Variants in TBL1XR1 observed in about 807,000 individuals in gnomAD.
The protein encoded by TBL1XR1 is F-box-like/WD repeat-containing protein TBL1XR1.
A neutral mutation model predicts 66.9 loss-of-function variants in TBL1XR1; 5 were observed. The ratio of observed to expected loss-of-function variants is 0.07; its 90% CI spans 0.04 to 0.16. TBL1XR1 has a LOEUF of 0.16. Ranked by LOEUF, TBL1XR1 falls within the 10% of genes least tolerant of loss-of-function variation. The pLI is 1.00. For missense variants in TBL1XR1, 238 were observed against 623.2 expected (o/e 0.38, Z 6.58); for synonymous variants, 210 against 206.0 (o/e 1.02, Z -0.17).
chr3:177,040,432 C>T (rs148322677), intron 10 of TBL1XR1, among the ~76,000 whole-genome samples: 16 of 152,320 alleles, frequency 1.1e-4, no homozygotes, highest in African/African-American at 3.6e-4. Context: ...CAAACTCCCT[C>T]ATTGTGTATA....
At chr3:177,054,032 C>CA in intron 3 of TBL1XR1, 114 bp from the exon 4 acceptor site, 1 of 1,172,340 alleles carries the variant, frequency 8.5e-7, no homozygotes, top group East Asian at 2.4e-5. Context: ...CATTTAAAAT[C>CA]CCAGACGAAG....
At chr3:177,092,014 C>T (rs565701857) in intron 2 of TBL1XR1, among the ~76,000 whole-genome samples, 7 of 152,302 alleles carry the variant, frequency 4.6e-5, no homozygotes, top group African/African-American at 1.7e-4. Flanking sequence ...TGGGTGCTTC[C>T]TTATGCAAGC....
intron 1 of TBL1XR1, among the ~76,000 whole-genome samples, chr3:177,146,148 T>C (rs926068071): frequency 2.0e-5 from 3 of 152,192 alleles, no homozygotes; most frequent in East Asian, 1.9e-4. Context: ...GTACCTGATA[T>C]GCAGCTATCA....
At chr3:177,144,785 C>T (rs1405354618) in intron 1 of TBL1XR1, among the ~76,000 whole-genome samples, 1 of 152,060 alleles carries the variant, frequency 6.6e-6, no homozygotes, top group Non-Finnish European at 1.5e-5. Flanking sequence ...AGAAAGCAGC[C>T]ATAACCTACA....
chr3:177,104,814 TTTATG>T (rs1724669359), intron 1 of TBL1XR1, among the ~76,000 whole-genome samples: 1 of 152,052 alleles, frequency 6.6e-6, no homozygotes, highest in African/African-American at 2.4e-5. Flanking sequence ...GTCATTGAAT[TTTATG>T]TTAAGATTAT....
In TBL1XR1 at chr3:177,020,474, T is replaced by C. The variant is rs1560083762; in HGVS notation, c.*5024A>G. The C allele has an allele frequency of 6.6e-6, 1 of 152,116 alleles. No individual in the cohort carries two copies. The highest frequency in any genetic ancestry group is 1.5e-5 in the Non-Finnish European group (1 of 68,010). 9.4% of individuals were successfully genotyped at this position (152,116 alleles called of 1,614,324 possible). Reference sequence around the variant, plus strand: ...TTTTATTATGGGCTTAAAGTATATATCTTGGGAAACAATACGTTTATGAAA... The same window carrying C: ...TTTTATTATGGGCTTAAAGTATATACCTTGGGAAACAATACGTTTATGAAA... On this transcript the variant is annotated 3_prime_UTR_variant, in exon 16 of 16. Transcript: ENST00000457928.
intron 4 of TBL1XR1, among the ~76,000 whole-genome samples, chr3:177,052,363 A>G (rs1308215060): frequency 6.6e-6 from 1 of 152,228 alleles, no homozygotes; most frequent in Non-Finnish European, 1.5e-5. Flanking sequence ...AGCTGGGAAC[A>G]TGCATATGTG....
chr3:177,199,493 T>A (rs1475663688), upstream of TBL1XR1, among the ~76,000 whole-genome samples: 1 of 152,136 alleles, frequency 6.6e-6, no homozygotes, highest in Non-Finnish European at 1.5e-5. Flanking sequence ...TGGCTTAGAT[T>A]ATTTTTTAAG....
At chr3:177,100,918 C>A (rs370332463) in intron 1 of TBL1XR1, among the ~76,000 whole-genome samples, 8 of 150,844 alleles carry the variant, frequency 5.3e-5, no homozygotes, top group Non-Finnish European at 8.8e-5. Flanking sequence ...TGCAATGGCG[C>A]GACCTCAGCT....
chr3:177,185,801 C>T (rs931359851), intron 1 of TBL1XR1, among the ~76,000 whole-genome samples: 1 of 152,048 alleles, frequency 6.6e-6, no homozygotes, highest in African/African-American at 2.4e-5. Flanking sequence ...TCCAGGAATT[C>T]GAGACCAGCC....
chr3:177,061,047 G>A (rs888228683), intron 3 of TBL1XR1, among the ~76,000 whole-genome samples: 8 of 152,192 alleles, frequency 5.3e-5, no homozygotes, highest in African/African-American at 1.9e-4. Context: ...AATTTGCGTA[G>A]GGTGAACTTT....
chr3:177,190,159 A>G (rs1441555327), intron 1 of TBL1XR1, among the ~76,000 whole-genome samples: 2 of 146,284 alleles, frequency 1.4e-5, no homozygotes, highest in African/African-American at 5.0e-5. Context: ...AAAAAAAAAA[A>G]AAAGAGTCCA....
At chr3:177,162,922 T>C (rs540453758) in intron 1 of TBL1XR1, among the ~76,000 whole-genome samples, 144 of 152,324 alleles carry the variant, frequency 9.5e-4, no homozygotes, top group African/African-American at 3.3e-3. Context: ...GGCAAGAACA[T>C]GGGCAGAGAC....
intron 2 of TBL1XR1, among the ~76,000 whole-genome samples, chr3:177,097,619 C>CT (rs879807812): frequency 6.6e-6 from 1 of 152,108 alleles, no homozygotes; most frequent in South Asian, 2.1e-4. Context: ...TCTTAAAAAT[C>CT]TTTTTAAGTA....
At chr3:177,085,779 T>C (rs1041260339) in intron 2 of TBL1XR1, among the ~76,000 whole-genome samples, 1 of 152,112 alleles carries the variant, frequency 6.6e-6, no homozygotes, top group East Asian at 1.9e-4. Context: ...TCAAAAGTAA[T>C]GAAAAAATCT....
chr3:177,184,668 G>C (rs1383698566), intron 1 of TBL1XR1, among the ~76,000 whole-genome samples: 1 of 152,082 alleles, frequency 6.6e-6, no homozygotes, highest in Non-Finnish European at 1.5e-5. Context: ...AGGTATGGTG[G>C]CACATGCCTG....
chr3:177,187,941 TCC>T (rs1401627794), intron 1 of TBL1XR1, among the ~76,000 whole-genome samples: 1 of 143,714 alleles, frequency 7.0e-6, no homozygotes, highest in Non-Finnish European at 1.5e-5. Flanking sequence ...GAGTACAATT[TCC>T]TTTTTTTTTT....
chr3:177,049,079 G>A (rs1189527338), intron 7 of TBL1XR1, among the ~76,000 whole-genome samples: 3 of 152,124 alleles, frequency 2.0e-5, no homozygotes, highest in Non-Finnish European at 4.4e-5. Flanking sequence ...TGGCAATTTT[G>A]GAAGAAAATG....
chr3:177,093,710 C>T (rs1723111013), intron 2 of TBL1XR1, among the ~76,000 whole-genome samples: 1 of 152,148 alleles, frequency 6.6e-6, no homozygotes, highest in Non-Finnish European at 1.5e-5. Context: ...CTAACAAAAA[C>T]ATAAAGTGGG....
Sources: allele counts gnomAD v4.1 joint callset (sites outside exome capture counted in the v4.1 genomes callset), GRCh38; gene constraint gnomAD v4.1.1; transcripts MANE v1.5; gene names NCBI Gene and HGNC (gene_info 2026-07-23, HGNC 2026-07-21).